The following DZIP1 variants were observed in gnomAD, a reference collection of about 807,000 sequenced individuals.
DZIP1 encodes the protein DAZ interacting zinc finger protein 1, also known as cilium assembly protein DZIP1.
A neutral mutation model predicts 107.6 loss-of-function variants in DZIP1; 97 were observed. The ratio of observed to expected loss-of-function variants is 0.90; its 90% CI spans 0.77 to 1.07. DZIP1 has a LOEUF of 1.07. Among genes scored for constraint, DZIP1 ranks in the 50% least tolerant of loss-of-function variants. The probability of loss-of-function intolerance (pLI) is 0.00; values close to 1 mark genes in which losing one functional copy is unlikely to be tolerated. For synonymous variants in DZIP1, 390 were observed against 386.4 expected (o/e 1.01, Z -0.11); for missense variants, 1,035 against 1,063.6 (o/e 0.97, Z 0.37).
intron 20 of DZIP1, among the ~76,000 whole-genome samples, chr13:95,586,712 A>T (rs1258680095): frequency 6.6e-6 from 1 of 151,404 alleles, no homozygotes; most frequent in African/African-American, 2.4e-5. Flanking sequence ...CAATATATTA[A>T]ATATAATAAA....
In DZIP1 at chr13:95,630,187, T is replaced by C. The variant is rs1459626796; in HGVS notation, c.686-74A>G. On this transcript the variant is annotated intron_variant, in intron 6 of 22. Transcript: ENST00000376829. ...CCTGGAAACTTATGGGGTACAGTCC[T>C]GTTGATAACACGAAGGAAACTGTCC... is the stretch of plus-strand genomic sequence containing the variant. 2.7e-6 allele frequency: 4 copies of C among 1,478,630 alleles called. No homozygotes were observed. In the East Asian group the frequency reaches 7.3e-5, roughly 27 times the overall value. 91.6% of individuals were successfully genotyped at this position (1,478,630 alleles called of 1,614,324 possible).
chr13:95,606,130 G>A, intron 13 of DZIP1, 71 bp from the exon 14 acceptor site: 2 of 1,464,188 alleles, frequency 1.4e-6, no homozygotes, highest in Non-Finnish European at 1.9e-6. Flanking sequence ...CATGATGGTA[G>A]CCAAATATGC....
rs1398019828 is a variant in DZIP1, at chr13:95,630,091, A to C, written c.708T>G (p.Ile236Met). The C allele has an allele frequency of 4.3e-6, 7 of 1,611,806 alleles. No individual in the cohort carries two copies. The highest frequency in any genetic ancestry group is 5.9e-6 in the Non-Finnish European group (7 of 1,179,338). The change falls in exon 7 of 23, where the codon ATT (isoleucine) becomes ATG (methionine). Residue 236 changes from isoleucine to methionine, a missense_variant. Coordinates refer to ENST00000376829, the MANE Select transcript of DZIP1 (RefSeq NM_198968.4). The part of the protein sequence containing the change: ...SHFEYQKNAQ[I>M]EKLRSEIVVL... ...CGACGATCTCACTCCGGAGCTTCTC[A>C]ATCTGTGCATTTTTCTGATACTCTG... is the stretch of plus-strand genomic sequence containing the variant.
At chr13:95,637,604 A>ATCTCTCTC (rs10539901) in intron 5 of DZIP1, among the ~76,000 whole-genome samples, 3 of 145,072 alleles carry the variant, frequency 2.1e-5, no homozygotes, top group East Asian at 2.1e-4. Flanking sequence ...GACATTAGCG[A>ATCTCTCTC]TCTCTCTCTC....
At chr13:95,621,968 A>C (rs543756539) in intron 9 of DZIP1, among the ~76,000 whole-genome samples, 1 of 152,288 alleles carries the variant, frequency 6.6e-6, no homozygotes, top group African/African-American at 2.4e-5. Flanking sequence ...TCTACTAAAA[A>C]TACAGTTAGC....
intron 15 of DZIP1, among the ~76,000 whole-genome samples, chr13:95,598,461 TCAATTTGTAGCCTTATAA>T (rs2044521314): frequency 6.6e-6 from 1 of 152,134 alleles, no homozygotes; most frequent in African/African-American, 2.4e-5. Flanking sequence ...TAGTCAATTC[TCAATTTGTAGCCTTATAA>T]AAATAAAAAT....
At chr13:95,586,730 CAATAT>C (rs1276266996) in intron 20 of DZIP1, among the ~76,000 whole-genome samples, 4 of 151,162 alleles carry the variant, frequency 2.6e-5, no homozygotes, top group Admixed American at 6.6e-5. Flanking sequence ...AAATTACACA[CAATAT>C]ATTAAATATA....
chr13:95,604,565 G>A (rs74109012), intron 14 of DZIP1, among the ~76,000 whole-genome samples: 2,312 of 152,324 alleles, frequency 0.015, 57 homozygotes, highest in African/African-American at 0.052. Flanking sequence ...GCTAGTGAGG[G>A]TAGGGTCCCC....
rs1045843908 is a variant in DZIP1, at chr13:95,591,316, C to T, written c.1681-875G>A. The stretch of plus-strand genomic sequence containing the variant: ...TGCTGGGATTACAGGCATGAGCCAC[C>T]GTGCCCAGCTAGAGGTGACATTTAA... On this transcript the variant is annotated intron_variant, in intron 16 of 22. Coordinates refer to ENST00000376829, the MANE Select transcript of DZIP1 (RefSeq NM_198968.4). Among the ~76,000 whole-genome samples the T allele has an allele frequency of 6.6e-5, 10 of 152,196 alleles. No individual in the cohort carries two copies. In the East Asian group the frequency reaches 1.5e-3, roughly 24 times the overall value.
At chr13:95,601,786 C>T (rs569317588) in intron 14 of DZIP1, among the ~76,000 whole-genome samples, 1 of 152,302 alleles carries the variant, frequency 6.6e-6, no homozygotes, top group Non-Finnish European at 1.5e-5. Context: ...CTCCAAATGC[C>T]ACCGCTGTCC....
In DZIP1 at chr13:95,607,106, G is replaced by A. The variant is rs9556492; in HGVS notation, c.1421-1047C>T. Among the ~76,000 whole-genome samples, 1,213 of 152,164 alleles carry A rather than the reference G, an allele frequency of 8.0e-3. 43 individuals are homozygous for A. Among genetic ancestry groups the A allele is most frequent in the East Asian group, 0.062 (319 of 5,176 alleles). ...CCGTCGCCCAGGGTGGAGTGCAGTGGCATGATCTCAGCTCACTACAACCTT... is the reference window on the plus strand; with the variant it reads ...CCGTCGCCCAGGGTGGAGTGCAGTGACATGATCTCAGCTCACTACAACCTT... On this transcript the variant is annotated intron_variant, in intron 13 of 22. Coordinates refer to ENST00000376829, the MANE Select transcript of DZIP1 (RefSeq NM_198968.4).
chr13:95,590,082 GT>G, intron 17 of DZIP1, 150 bp from the exon 18 acceptor site: 1 of 1,229,436 alleles, frequency 8.1e-7, no homozygotes, highest in Non-Finnish European at 1.1e-6. Context: ...TTGTTGTTTT[GT>G]TTTTACTGTA....
intron 15 of DZIP1, among the ~76,000 whole-genome samples, chr13:95,597,837 C>T (rs2138924909): frequency 6.6e-6 from 1 of 152,250 alleles, no homozygotes; most frequent in African/African-American, 2.4e-5. Flanking sequence ...AGAGATTGCA[C>T]TACAATTAAA....
At chr13:95,594,193 T>C (rs1594656353) in intron 15 of DZIP1, 107 bp from the exon 16 acceptor site, 3 of 900,416 alleles carry the variant, frequency 3.3e-6, no homozygotes, top group South Asian at 3.7e-5. Context: ...AAGTAAGTAT[T>C]TGTGATGTTT....
intron 14 of DZIP1, among the ~76,000 whole-genome samples, chr13:95,600,594 A>AGATAGATAGATAGATAGAT: frequency 7.7e-6 from 1 of 130,196 alleles, no homozygotes; most frequent in African/African-American, 2.9e-5. Context: ...GATAGATGAT[A>AGATAGATAGATAGATAGAT]GATAGATAGA....
intron 10 of DZIP1, among the ~76,000 whole-genome samples, chr13:95,614,827 T>C (rs574867226): frequency 1.3e-5 from 2 of 152,122 alleles, no homozygotes; most frequent in African/African-American, 4.8e-5. Context: ...CTCCTACCAA[T>C]GTTATTTAAA....
At position 95,589,153 on chromosome 13, in the gene DZIP1, C is replaced by T. The variant is rs781653039; in HGVS notation, c.2027+1G>A. 2.5e-6 allele frequency: 4 copies of T among 1,605,352 alleles called. No homozygotes were observed. The highest frequency in any genetic ancestry group is 1.7e-4 in the Middle Eastern group (1 of 6,028). Reference sequence around the variant, plus strand: ...ACCCTCCCATCCCTGTCAATACTCACGTAATAGTTGAAGACTTTCTGGGAA... The same window carrying T: ...ACCCTCCCATCCCTGTCAATACTCATGTAATAGTTGAAGACTTTCTGGGAA... On this transcript the variant is annotated splice_donor_variant, in intron 19 of 22. Transcript: ENST00000376829. LOFTEE classifies it high-confidence loss of function.
chr13:95,587,850 G>A, intron 19 of DZIP1, 121 bp from the exon 20 acceptor site: 3 of 1,254,092 alleles, frequency 2.4e-6, no homozygotes, highest in Non-Finnish European at 3.2e-6. Context: ...GTGGGCACAA[G>A]TGCCTTTGGG....
chr13:95,619,931 G>C lies in DZIP1; in HGVS notation c.1127C>G (p.Ala376Gly). The C allele has an allele frequency of 6.2e-7, 1 of 1,613,748 alleles. No homozygotes were observed. Among genetic ancestry groups the C allele is most frequent in the Non-Finnish European group, 8.5e-7 (1 of 1,179,900 alleles). The change falls in exon 10 of 23, where the codon GCT becomes GGT. Residue 376 changes from alanine to glycine, a missense_variant. By Grantham distance (60) the Ala-to-Gly change is moderately conservative. Coordinates refer to ENST00000376829, the MANE Select transcript of DZIP1 (RefSeq NM_198968.4). ...LLDSQESKWTARVQAIHQEHK... is the reference protein window; with the variant it reads ...LLDSQESKWTGRVQAIHQEHK... The stretch of plus-strand genomic sequence containing the variant: ...TTCTTGATGAATAGCTTGAACTCGA[G>C]CTGTCCATTTGCTTTCCTACAAAAG...
Sources: allele counts gnomAD v4.1 joint callset (sites outside exome capture counted in the v4.1 genomes callset), GRCh38; gene constraint gnomAD v4.1.1; transcripts MANE v1.5; gene names NCBI Gene and HGNC (gene_info 2026-07-23, HGNC 2026-07-21).